Variants in ZNF668 observed in about 807,000 individuals in gnomAD.
ZNF668 encodes the protein zinc finger protein 668.
In ZNF668, 10 loss-of-function variants were observed where a neutral mutation model predicts 40.3. That is an observed-to-expected ratio of 0.25 (90% CI 0.15 to 0.42). ZNF668 has a LOEUF of 0.42. ZNF668 is among the 10% of genes least tolerant of loss of function. The pLI, the probability that ZNF668 is intolerant of heterozygous loss-of-function variation, is 1.00. For missense variants in ZNF668, 749 were observed against 904.6 expected (o/e 0.83, Z 2.21); for synonymous variants, 428 against 384.6 (o/e 1.11, Z -1.32).
chr16:31,062,591 C>A (rs1465146516), intron 2 of ZNF668: 3 of 279,384 alleles, frequency 1.1e-5, no homozygotes, highest in Non-Finnish European at 2.1e-5. Flanking sequence ...GGTGAAACCC[C>A]GTCTCTACTA....
At position 31,064,241 on chromosome 16, in the gene ZNF668, C is replaced by T; in HGVS notation, c.219G>A (p.Lys73=). Reference sequence around the variant, plus strand: ...TAGGCTTGGCCGCGGAGCCTGACACCTTCTCCCCACTGGCTTCCTCTGCCT... The same window carrying T: ...TAGGCTTGGCCGCGGAGCCTGACACTTTCTCCCCACTGGCTTCCTCTGCCT... ...EAKAEEASGE[K]VSGSAAKPRP... The change falls in exon 2 of 3, where the codon AAG becomes AAA. Residue 73 remains lysine, a synonymous_variant. Coordinates refer to ENST00000300849, the MANE Select transcript of ZNF668 (RefSeq NM_024706.5). The T allele has an allele frequency of 6.2e-7, 1 of 1,613,552 alleles. No homozygotes were observed. The highest frequency in any genetic ancestry group is 1.6e-4 in the Middle Eastern group (1 of 6,062).
chr16:31,066,017 A>G, intron 1 of ZNF668: 1 of 985,326 alleles, frequency 1.0e-6, no homozygotes, highest in East Asian at 1.1e-4. Flanking sequence ...AAAGGGCGGG[A>G]GAAGCAGCTT....
chr16:31,068,238 AAATATATAT>A (rs1189858993), intron 1 of ZNF668, among the ~76,000 whole-genome samples: 2 of 91,820 alleles, frequency 2.2e-5, no homozygotes, highest in African/African-American at 1.1e-4. Context: ...AAAAAAAAAA[AAATATATAT>A]ATATATATAT....
Position 31,062,108 on chromosome 16 carries a change from G to C in ZNF668, c.820C>G (p.His274Asp), listed in dbSNP as rs1423931723. Residue 274 changes from histidine (H) to aspartate (D), a missense_variant, in exon 3 of 3, where the codon CAC (histidine) becomes GAC (aspartate). His to Asp is a moderately conservative substitution (Grantham distance 81). Transcript: ENST00000300849. ...CACAGGAAGGGCTTCTCCCCCGAGT[G>C]CGTGCGCTCGTGGCTCTGGTAGGAA... ...LSSYQSHERTHSGEKPFLCPR... is the reference protein window; with the variant it reads ...LSSYQSHERTDSGEKPFLCPR... The C allele has an allele frequency of 6.2e-7, 1 of 1,613,830 alleles. No homozygotes were observed. The highest frequency in any genetic ancestry group is 1.7e-5 in the Admixed American group (1 of 60,008).
At chr16:31,065,860 A>AAT (rs1332344856) in intron 1 of ZNF668, among the ~76,000 whole-genome samples, 11 of 152,020 alleles carry the variant, frequency 7.2e-5, no homozygotes, top group South Asian at 2.1e-4. Flanking sequence ...TCTCAAAAAA[A>AAT]AAAAAATAAA....
Position 31,064,385 on chromosome 16 carries a change from C to T in ZNF668, c.75G>A (p.Leu25=). Residue 25 remains leucine, a synonymous_variant, in exon 2 of 3, where the codon CTG becomes CTA. Coordinates refer to ENST00000300849, the MANE Select transcript of ZNF668 (RefSeq NM_024706.5). ...YKRSGRRYKC[L]SCTKTFPNAP... is the part of the protein sequence containing the mutation. ...CGTTTGGAAATGTCTTGGTACAGGA[C>T]AGGCACTTGTAGCGGCGGCCCGAGC... 1 of 1,613,948 alleles carries T rather than the reference C, an allele frequency of 6.2e-7. No individual in the cohort carries two copies. Among genetic ancestry groups the T allele is most frequent in the Non-Finnish European group, 8.5e-7 (1 of 1,180,036 alleles).
intron 1 of ZNF668, among the ~76,000 whole-genome samples, chr16:31,071,749 CCAG>C (rs2057016799): frequency 6.6e-6 from 1 of 152,202 alleles, no homozygotes; most frequent in Non-Finnish European, 1.5e-5. Context: ...GCCACAGTGA[CCAG>C]CACCCCTCCT....
rs1380084035 is a variant in ZNF668 at position 31,061,270 on chromosome 16, A to C, written c.1658T>G (p.Phe553Cys). The C allele has an allele frequency of 6.4e-7, 1 of 1,553,480 alleles. No homozygotes were observed. The highest frequency in any genetic ancestry group is 1.9e-5 in the Admixed American group (1 of 52,394). Residue 553 changes from phenylalanine (F) to cysteine (C), a missense_variant, in exon 3 of 3, where the codon TTC becomes TGC. Coordinates refer to ENST00000300849, the MANE Select transcript of ZNF668 (RefSeq NM_024706.5). The surrounding 1 kb of genome is among the most constrained non-coding windows in gnomAD (Gnocchi z 7.7). ...PFPCTQCGKS[F>C]SDRAGLRKHS... ...TTTGCGCAGCCCAGCCCGGTCAGAG[A>C]AGCTCTTGCCGCACTGGGTGCAGGG... is the stretch of plus-strand genomic sequence containing the variant.
intron 1 of ZNF668, chr16:31,064,699 C>G: frequency 6.5e-7 from 1 of 1,535,542 alleles, no homozygotes; most frequent in Non-Finnish European, 8.7e-7. Context: ...AGAAAGGAGG[C>G]TGAGGGTCAC....
At chr16:31,062,347 G>A in intron 2 of ZNF668, 67 bp from the exon 3 acceptor site, 1 of 1,518,694 alleles carries the variant, frequency 6.6e-7, no homozygotes, top group Non-Finnish European at 8.8e-7. Flanking sequence ...TGCCTGTCTG[G>A]GCTGTACTTT....
rs896940351 is a variant in ZNF668 at position 31,061,859 on chromosome 16, C to G, written c.1069G>C (p.Val357Leu). The change falls in exon 3 of 3, where the codon GTG (valine) becomes CTG (leucine). Residue 357 changes from valine to leucine, a missense_variant. Coordinates refer to ENST00000300849, the MANE Select transcript of ZNF668 (RefSeq NM_024706.5). The surrounding 1 kb of genome is among the most constrained non-coding windows in gnomAD (Gnocchi z 7.7). ...CGGAAGGGCCGCTGGCCAGAGTGCACCAGCGCGTGCCGCTTGAGGTCCCAG... is the reference window on the plus strand; with the variant it reads ...CGGAAGGGCCGCTGGCCAGAGTGCAGCAGCGCGTGCCGCTTGAGGTCCCAG... ...ASWDLKRHALVHSGQRPFRCE... is the reference protein window; with the variant it reads ...ASWDLKRHALLHSGQRPFRCE... 3 of 1,612,814 alleles carry G rather than the reference C, an allele frequency of 1.9e-6. No individual in the cohort carries two copies. Among genetic ancestry groups the G allele is most frequent in the African/African-American group, 1.3e-5 (1 of 75,038 alleles).
At chr16:31,065,948 T>C (rs1425201644) in intron 1 of ZNF668, 2 of 898,430 alleles carry the variant, frequency 2.2e-6, no homozygotes, top group Non-Finnish European at 2.7e-6. Flanking sequence ...AGGAGGAAAC[T>C]GAGCTGAGCC....
Position 31,064,417 on chromosome 16 carries a change from A to C in ZNF668, c.43T>G (p.Tyr15Asp). 2 of 1,613,018 alleles carry C rather than the reference A, an allele frequency of 1.2e-6. No homozygotes were observed. The highest frequency in any genetic ancestry group is 1.7e-5 in the Admixed American group (1 of 60,030). ...AAEARSPAPG[Y>D]KRSGRRYKCL... ...TTGTAGCGGCGGCCCGAGCGCTTGTAGCCGGGGGCTGGGGACCGGGCCTCT... is the reference window on the plus strand; with the variant it reads ...TTGTAGCGGCGGCCCGAGCGCTTGTCGCCGGGGGCTGGGGACCGGGCCTCT... The change falls in exon 2 of 3, where the codon TAC becomes GAC. Residue 15 changes from tyrosine to aspartate, a missense_variant. By Grantham distance (160) the Tyr-to-Asp change is radical (BLOSUM62 -3). Coordinates refer to ENST00000300849, the MANE Select transcript of ZNF668 (RefSeq NM_024706.5).
At position 31,064,424 on chromosome 16, in the gene ZNF668, G is replaced by C; in HGVS notation, c.36C>G (p.Ala12=). The C allele has an allele frequency of 6.2e-7, 1 of 1,612,684 alleles. No individual in the cohort carries two copies. ...EVEAAEARSP[A]PGYKRSGRRY... Reference sequence around the variant, plus strand: ...GGCGGCCCGAGCGCTTGTAGCCGGGGGCTGGGGACCGGGCCTCTGCAGCCT... The same window carrying C: ...GGCGGCCCGAGCGCTTGTAGCCGGGCGCTGGGGACCGGGCCTCTGCAGCCT... The change falls in exon 2 of 3, where the codon GCC becomes GCG. Residue 12 remains alanine, a synonymous_variant. Transcript: ENST00000300849.
chr16:31,061,716 C>T lies in ZNF668; in HGVS notation c.1212G>A (p.Ser404=), dbSNP rs201025557. ...TCCGCTCGTGCTTCCTCAGGCTCGA[C>T]GACACCACAAAGGATTTCCCACATG... ...CNACGKSFVV[S]SSLRKHERTH... The change falls in exon 3 of 3, where the codon TCG becomes TCA. Residue 404 remains serine, a synonymous_variant. Transcript: ENST00000300849. This position sits in a 1 kb window ranked among gnomAD's most constrained non-coding sequence, Gnocchi z 7.7. 4.3e-6 allele frequency: 7 copies of T among 1,613,652 alleles called. No homozygotes were observed. Among genetic ancestry groups the T allele is most frequent in the Non-Finnish European group, 2.5e-6 (3 of 1,179,908 alleles).
At chr16:31,068,239 A>AAAAAAAAAAAAAAATATATAT (rs1473353128) in intron 1 of ZNF668, among the ~76,000 whole-genome samples, 1 of 83,012 alleles carries the variant, frequency 1.2e-5, no homozygotes, top group African/African-American at 5.0e-5. Context: ...AAAAAAAAAA[A>AAAAAAAAAAAAAAATATATAT]ATATATATAT....
intron 1 of ZNF668, 188 bp from the exon 2 acceptor site, chr16:31,064,669 A>G: frequency 2.0e-6 from 3 of 1,536,170 alleles, no homozygotes; most frequent in Non-Finnish European, 2.6e-6. Context: ...GAGTTGGACC[A>G]AGTGTCCGCA....
chr16:31,069,402 C>T (rs1393340891), intron 1 of ZNF668, among the ~76,000 whole-genome samples: 3 of 152,122 alleles, frequency 2.0e-5, no homozygotes, highest in Admixed American at 1.3e-4. Flanking sequence ...TCCTTCCCAC[C>T]TCAGGGCAGT....
At chr16:31,065,121 G>C (rs555644111) in intron 1 of ZNF668, 1 of 1,008,864 alleles carries the variant, frequency 9.9e-7, no homozygotes, top group Non-Finnish European at 1.2e-6. Context: ...TTGTTGGCCT[G>C]TTCCCACAAC....
Sources: allele counts gnomAD v4.1 joint callset (sites outside exome capture counted in the v4.1 genomes callset), GRCh38; gene constraint gnomAD v4.1.1; non-coding constraint Gnocchi (gnomAD v3.1); transcripts MANE v1.5; gene names NCBI Gene and HGNC (gene_info 2026-07-23, HGNC 2026-07-21).